The following NMNAT2 variants were observed in gnomAD, a reference collection of about 807,000 sequenced individuals.
NMNAT2 encodes nicotinamide/nicotinic acid mononucleotide adenylyltransferase 2.
NMNAT2 carries 11 observed loss-of-function variants against 41.6 expected under a neutral mutation model. The observed-to-expected ratio is 0.26, with a 90% CI of 0.17 to 0.44. The LOEUF (loss-of-function observed/expected upper bound fraction) is 0.44, where lower values mean the gene tolerates loss of function less well. Among genes scored for constraint, NMNAT2 ranks in the 20% least tolerant of loss-of-function variants. The pLI, the probability that NMNAT2 is intolerant of heterozygous loss-of-function variation, is 1.00. For missense variants in NMNAT2, 288 were observed against 407.7 expected (o/e 0.71, Z 2.53); for synonymous variants, 148 against 151.2 (o/e 0.98, Z 0.16).
intron 8 of NMNAT2, among the ~76,000 whole-genome samples, chr1:183,268,313 C>T (rs1384177569): frequency 6.6e-6 from 1 of 152,136 alleles, no homozygotes; most frequent in Non-Finnish European, 1.5e-5. Flanking sequence ...GGGTGGATGA[C>T]TTGTGGTCTT....
chr1:183,415,685 G>T (rs1367133145), intron 1 of NMNAT2, among the ~76,000 whole-genome samples: 1 of 152,152 alleles, frequency 6.6e-6, no homozygotes, highest in Non-Finnish European at 1.5e-5. Flanking sequence ...TTCTTATAAG[G>T]TTTTTAACAG....
intron 2 of NMNAT2, among the ~76,000 whole-genome samples, 200 bp from the exon 3 acceptor site, chr1:183,293,057 T>G (rs928761121): frequency 5.9e-5 from 9 of 152,316 alleles, no homozygotes; most frequent in African/African-American, 2.2e-4. Context: ...AAATAAAGGG[T>G]GTGTGGTATA....
chr1:183,348,473 C>G (rs1421558452), intron 1 of NMNAT2, among the ~76,000 whole-genome samples: 2 of 152,134 alleles, frequency 1.3e-5, no homozygotes, highest in Non-Finnish European at 2.9e-5. Context: ...TTAGATTCAC[C>G]AAAATATTTA....
At chr1:183,281,549 A>C (rs188002666) in intron 7 of NMNAT2, among the ~76,000 whole-genome samples, 1 of 152,362 alleles carries the variant, frequency 6.6e-6, no homozygotes, top group African/African-American at 2.4e-5. Flanking sequence ...AAGCACAAAG[A>C]GTTCAAGAGT....
intron 10 of NMNAT2, among the ~76,000 whole-genome samples, chr1:183,259,426 A>G (rs1229749107): frequency 6.6e-6 from 1 of 152,186 alleles, no homozygotes; most frequent in Non-Finnish European, 1.5e-5. Context: ...TGTGACACAG[A>G]TGGCAATGCT....
At chr1:183,263,843 T>C (rs1220791973) in intron 8 of NMNAT2, among the ~76,000 whole-genome samples, 1 of 152,052 alleles carries the variant, frequency 6.6e-6, no homozygotes, top group Non-Finnish European at 1.5e-5. Flanking sequence ...CCCAGAATTT[T>C]GTTTGAGGGG....
At chr1:183,327,686 G>A (rs1226587970) in intron 1 of NMNAT2, among the ~76,000 whole-genome samples, 3 of 152,222 alleles carry the variant, frequency 2.0e-5, no homozygotes, top group Admixed American at 6.5e-5. Flanking sequence ...TGAGTTCTCT[G>A]TACTCACAAA....
At position 183,395,559 on chromosome 1, in the gene NMNAT2, T is replaced by C. The variant is rs1284640654; in HGVS notation, c.85+22624A>G. The stretch of plus-strand genomic sequence containing the variant: ...TACACTATAACATCTGCCATCTCTT[T>C]GTAAAATGTTTACTGAAATTTACAT... On this transcript the variant is annotated intron_variant, in intron 1 of 10. Coordinates refer to ENST00000287713, the MANE Select transcript of NMNAT2 (RefSeq NM_015039.4). 5.3e-5 allele frequency among the ~76,000 whole-genome samples: 8 copies of C among 152,122 alleles called. No homozygotes were observed. In the East Asian group the frequency reaches 1.6e-3, roughly 29 times the overall value.
intron 1 of NMNAT2, among the ~76,000 whole-genome samples, chr1:183,338,968 A>G (rs908644304): frequency 6.6e-6 from 1 of 152,304 alleles, no homozygotes; most frequent in Non-Finnish European, 1.5e-5. Context: ...CATCAGAGCC[A>G]AGTGCCTCTA....
chr1:183,348,210 T>A (rs1425041834), intron 1 of NMNAT2, among the ~76,000 whole-genome samples: 1 of 152,216 alleles, frequency 6.6e-6, no homozygotes, highest in Admixed American at 6.5e-5. Flanking sequence ...AAGGCATCTT[T>A]TAGAGGTTTT....
At chr1:183,297,674 C>A (rs1175276263) in intron 1 of NMNAT2, among the ~76,000 whole-genome samples, 1 of 152,146 alleles carries the variant, frequency 6.6e-6, no homozygotes, top group Non-Finnish European at 1.5e-5. Context: ...AGCCACCATG[C>A]CCGGCCTAGG....
intron 1 of NMNAT2, among the ~76,000 whole-genome samples, chr1:183,376,499 C>A (rs1355561265): frequency 6.6e-6 from 1 of 152,154 alleles, no homozygotes; most frequent in Non-Finnish European, 1.5e-5. Flanking sequence ...AAGTAAAGGA[C>A]TGTTCACTAT....
At chr1:183,347,723 G>A (rs1662963205) in intron 1 of NMNAT2, among the ~76,000 whole-genome samples, 1 of 152,156 alleles carries the variant, frequency 6.6e-6, no homozygotes, top group Admixed American at 6.5e-5. Flanking sequence ...TGCAGTAACA[G>A]CTGTGCAGCA....
intron 1 of NMNAT2, among the ~76,000 whole-genome samples, chr1:183,368,476 T>A (rs1312073030): frequency 2.0e-5 from 3 of 152,168 alleles, no homozygotes; most frequent in Non-Finnish European, 4.4e-5. Context: ...ATGCCATTGA[T>A]CTGAACAGAA....
At chr1:183,383,792 T>C (rs748072522) in intron 1 of NMNAT2, among the ~76,000 whole-genome samples, 6 of 152,244 alleles carry the variant, frequency 3.9e-5, no homozygotes, top group Admixed American at 1.3e-4. Context: ...TGGACTTCAC[T>C]GACTGTATCA....
intron 1 of NMNAT2, among the ~76,000 whole-genome samples, chr1:183,414,134 T>G (rs1649193614): frequency 6.6e-6 from 1 of 152,142 alleles, no homozygotes; most frequent in South Asian, 2.1e-4. Flanking sequence ...CAGAGCGCAG[T>G]GAAAAGATAA....
intron 1 of NMNAT2, among the ~76,000 whole-genome samples, chr1:183,397,384 A>G (rs1025038468): frequency 1.3e-5 from 2 of 152,164 alleles, no homozygotes; most frequent in Admixed American, 6.5e-5. Context: ...AAAGAAATGA[A>G]CAAAGCCTCC....
intron 1 of NMNAT2, among the ~76,000 whole-genome samples, chr1:183,313,429 A>G (rs1662172181): frequency 1.3e-5 from 2 of 152,264 alleles, no homozygotes; most frequent in East Asian, 1.9e-4. Flanking sequence ...AATGTTTAAT[A>G]TAAACATAAT....
chr1:183,304,213 G>A (rs17483344), intron 1 of NMNAT2, among the ~76,000 whole-genome samples: 4,585 of 152,308 alleles, frequency 0.03, 93 homozygotes, highest in Middle Eastern at 0.082. Flanking sequence ...GACATTTTTG[G>A]AAAAGCGTGC....
Sources: allele counts gnomAD v4.1 joint callset (sites outside exome capture counted in the v4.1 genomes callset), GRCh38; gene constraint gnomAD v4.1.1; transcripts MANE v1.5; gene names NCBI Gene and HGNC (gene_info 2026-07-23, HGNC 2026-07-21).